The following TKFC variants were observed in gnomAD, a reference collection of about 807,000 sequenced individuals.
The protein encoded by TKFC is triokinase/FMN cyclase.
A neutral mutation model predicts 61.0 loss-of-function variants in TKFC; 46 were observed. The ratio of observed to expected loss-of-function variants is 0.75; its 90% CI spans 0.60 to 0.96. The LOEUF (loss-of-function observed/expected upper bound fraction) is 0.96. Ranked by LOEUF, TKFC falls within the 50% of genes least tolerant of loss-of-function variation. The pLI, the probability that TKFC is intolerant of heterozygous loss-of-function variation, is 0.00. For synonymous variants in TKFC, 314 were observed against 330.1 expected (o/e 0.95, Z 0.53); for missense variants, 715 against 777.5 (o/e 0.92, Z 0.96).
Position 61,341,260 on chromosome 11 carries a change from G to T in TKFC, c.487-176G>T, listed in dbSNP as rs185207463. ...TGGAATTCTTGAAGATTCCTGGCAGGTACACTGTGAATGAGGGGAGTTTGC... is the reference window on the plus strand; with the variant it reads ...TGGAATTCTTGAAGATTCCTGGCAGTTACACTGTGAATGAGGGGAGTTTGC... On this transcript the variant is annotated intron_variant, in intron 5 of 17. Coordinates refer to ENST00000394900, the MANE Select transcript of TKFC (RefSeq NM_015533.4). Among the ~76,000 whole-genome samples, 10 of 152,310 alleles carry T rather than the reference G, an allele frequency of 6.6e-5. No homozygotes were observed. The East Asian group carries it at 1.9e-3, about 29-fold the overall frequency.
downstream of TKFC, chr11:61,350,614 G>C (rs1261280921): frequency 3.0e-6 from 2 of 674,806 alleles, no homozygotes; most frequent in Non-Finnish European, 5.0e-6. Flanking sequence ...CCTGCTCTGA[G>C]CACTCAGCTG....
Position 61,342,492 on chromosome 11 carries a change from A to G in TKFC, c.687A>G (p.Ile229Met). Residue 229 changes from isoleucine (I) to methionine (M), a missense_variant, in exon 8 of 18, where the codon ATA (isoleucine) becomes ATG (methionine). Transcript: ENST00000394900. Reference protein sequence around the residue: ...GIHGEAGVRRIKMATADEIVK... With the variant: ...GIHGEAGVRRMKMATADEIVK... ...ACGGGGAAGCTGGTGTGCGCCGGAT[A>G]AAGGTAGGTGGTCCCTCTGGCACAG... The G allele has an allele frequency of 6.2e-7, 1 of 1,614,066 alleles. No individual in the cohort carries two copies. The highest frequency in any genetic ancestry group is 8.5e-7 in the Non-Finnish European group (1 of 1,180,024).
At chr11:61,336,500 C>T (rs995937679) in intron 2 of TKFC, 1 of 152,274 alleles carries the variant, frequency 6.6e-6, no homozygotes, top group African/African-American at 2.4e-5. Context: ...TGGCTTTTCA[C>T]AGCCTGTTTG....
At position 61,346,172 on chromosome 11, in the gene TKFC, T is replaced by C. The variant is rs1857116239; in HGVS notation, c.1576-179T>C. ...AGGGCCTCAGTGAATGGTGACCCTT[T>C]TCCCTGCTGGAAGTAGATGAGAAGT... On this transcript the variant is annotated intron_variant, in intron 17 of 17. Transcript: ENST00000394900. The surrounding 1 kb of genome is among the most constrained non-coding windows in gnomAD (Gnocchi z 4.1). 3 of 1,442,712 alleles carry C rather than the reference T, an allele frequency of 2.1e-6. No individual in the cohort carries two copies. The highest frequency in any genetic ancestry group is 2.4e-5 in the East Asian group (1 of 41,742). The allele number at this position is 1,442,712 out of a possible 1,614,324, so 89.4% of individuals were successfully genotyped here. A position where few individuals can be genotyped will look rare whatever the true frequency, so the allele number is the denominator to read the frequency against.
rs563569383 is a variant in TKFC, at chr11:61,341,406, C to G, written c.487-30C>G. 89 of 1,551,314 alleles carry G rather than the reference C, an allele frequency of 5.7e-5. 1 individual carries two copies. The South Asian group carries it at 6.5e-4, about 11-fold the overall frequency. On this transcript the variant is annotated intron_variant, in intron 5 of 17. Coordinates refer to ENST00000394900, the MANE Select transcript of TKFC (RefSeq NM_015533.4). Reference sequence around the variant, plus strand: ...CACATGGTACAGTGATACCCTCCCCCCTGGGGCTTTTACCTCTTTGTGGCT... The same window carrying G: ...CACATGGTACAGTGATACCCTCCCCGCTGGGGCTTTTACCTCTTTGTGGCT...
chr11:61,348,094 A>G lies in TKFC; in HGVS notation c.*1591A>G, dbSNP rs1403817517. On this transcript the variant is annotated 3_prime_UTR_variant, in exon 18 of 18. Coordinates refer to ENST00000394900, the MANE Select transcript of TKFC (RefSeq NM_015533.4). ...GGCTGCACCATACGTCCCTGACCACAAGGCATCCACGTGCACAGGAGTATG... is the reference window on the plus strand; with the variant it reads ...GGCTGCACCATACGTCCCTGACCACGAGGCATCCACGTGCACAGGAGTATG... 1.0e-6 allele frequency: 1 copy of G among 985,262 alleles called. No individual in the cohort carries two copies. Among genetic ancestry groups the G allele is most frequent in the Middle Eastern group, 5.2e-4 (1 of 1,936 alleles). 61.0% of individuals were successfully genotyped at this position (985,262 alleles called of 1,614,324 possible).
Position 61,342,181 on chromosome 11 carries a change from A to G in TKFC, c.655+269A>G, listed in dbSNP as rs965374245. 6 of 611,170 alleles carry G rather than the reference A, an allele frequency of 9.8e-6. No homozygotes were observed. In the African/African-American group the frequency reaches 1.1e-4, roughly 11 times the overall value. The allele number at this position is 611,170 out of a possible 1,614,324, so 37.9% of individuals were successfully genotyped here. ...CCCAGGTCCTCCTGTCCCTGCCAGA[A>G]TACACCCTTCTTTCAACGGCTGTTC... On this transcript the variant is annotated intron_variant, in intron 7 of 17. Coordinates refer to ENST00000394900, the MANE Select transcript of TKFC (RefSeq NM_015533.4).
downstream of TKFC, chr11:61,350,760 G>C: frequency 1.6e-6 from 1 of 620,324 alleles, no homozygotes; most frequent in Non-Finnish European, 2.7e-6. Flanking sequence ...AGTGATTTGG[G>C]GGGGAAATTC....
chr11:61,343,934 C>G lies in TKFC; in HGVS notation c.1061C>G (p.Pro354Arg), dbSNP rs751849872. The change falls in exon 12 of 18, where the codon CCT becomes CGT. Residue 354 changes from proline (P) to arginine (R), a missense_variant. Transcript: ENST00000394900. ...ITGRKRSRVA[P>R]AEPQEAPDST... The stretch of plus-strand genomic sequence containing the variant: ...GGGCGGAAGCGGAGCCGGGTAGCCC[C>G]TGCCGAGCCCCAGGAGGCCCCTGAT... 1.2e-6 allele frequency: 2 copies of G among 1,611,462 alleles called. No homozygotes were observed. The highest frequency in any genetic ancestry group is 1.7e-6 in the Non-Finnish European group (2 of 1,180,008).
chr11:61,343,427 G>C lies in TKFC; in HGVS notation c.951G>C (p.Leu317=), dbSNP rs750709219. The C allele has an allele frequency of 1.2e-6, 2 of 1,614,204 alleles. No homozygotes were observed. Among genetic ancestry groups the C allele is most frequent in the East Asian group, 2.2e-5 (1 of 44,882 alleles). Residue 317 remains leucine (L), a synonymous_variant, in exon 11 of 18, where the codon CTG becomes CTC. Coordinates refer to ENST00000394900, the MANE Select transcript of TKFC (RefSeq NM_015533.4). ...LEMPGISLTL[L]LVDEPLLKLI... is the part of the protein sequence containing the mutation. Reference sequence around the variant, plus strand: ...TGCCTGGCATTTCTCTCACCCTCCTGCTGGTGGATGAGCCTCTCCTGAAAC... The same window carrying C: ...TGCCTGGCATTTCTCTCACCCTCCTCCTGGTGGATGAGCCTCTCCTGAAAC...
At chr11:61,352,360 C>T (rs1307312602), downstream of TKFC, 1 of 153,522 alleles carries the variant, frequency 6.5e-6, no homozygotes, top group African/African-American at 2.4e-5. Context: ...TCTGTTCCCT[C>T]AATTGAAAAT....
chr11:61,334,749 G>T lies in TKFC; in HGVS notation c.3+18G>T. The T allele has an allele frequency of 1.9e-6, 3 of 1,614,042 alleles. No individual in the cohort carries two copies. Among genetic ancestry groups the T allele is most frequent in the South Asian group, 1.1e-5 (1 of 91,068 alleles). On this transcript the variant is annotated intron_variant, in intron 2 of 17. Coordinates refer to ENST00000394900, the MANE Select transcript of TKFC (RefSeq NM_015533.4). ...ACACCATGGTGAGTCATACAGGGCC[G>T]GGACGGGAATGGCAGCATGGTCTCA...
intron 7 of TKFC, chr11:61,342,198 C>T (rs977197553): frequency 5.9e-5 from 36 of 613,218 alleles, no homozygotes; most frequent in South Asian, 1.6e-4. Context: ...CTTCTTTCAA[C>T]GGCTGTTCAA....
chr11:61,338,971 G>A lies in TKFC; in HGVS notation c.194-95G>A. 2.8e-6 allele frequency: 3 copies of A among 1,062,866 alleles called. No homozygotes were observed. The South Asian group carries it at 4.5e-5, about 16-fold the overall frequency. 65.8% of individuals were successfully genotyped at this position (1,062,866 alleles called of 1,614,324 possible). ...CTTTGAGCACCAAGCACACAGTAGG[G>A]CTCACCAAACCATGACCCCCGGAGT... On this transcript the variant is annotated intron_variant, in intron 3 of 17. Coordinates refer to ENST00000394900, the MANE Select transcript of TKFC (RefSeq NM_015533.4).
chr11:61,347,845 TTGA>T lies in TKFC; in HGVS notation c.*1346_*1348del. ...GGGGACATGAAAGGATTCAAATGAA[TTGA>T]TGAAGATGGGCCATAAAGCCCAGCA... On this transcript the variant is annotated 3_prime_UTR_variant, in exon 18 of 18. Transcript: ENST00000394900. 1 of 980,342 alleles carries T rather than the reference TTGA, an allele frequency of 1.0e-6. No individual in the cohort carries two copies. The highest frequency in any genetic ancestry group is 4.7e-5 in the South Asian group (1 of 21,190). The allele number at this position is 980,342 out of a possible 1,614,324, so 60.7% of individuals were successfully genotyped here.
In TKFC at chr11:61,346,595, C is replaced by T. The variant is rs1590583801; in HGVS notation, c.*92C>T. ...CCTTCTGCCTTCCAACCCTCACCTT[C>T]CCCCGGCCTGGCCCCATTGGCCCAC... On this transcript the variant is annotated 3_prime_UTR_variant, in exon 18 of 18. Coordinates refer to ENST00000394900, the MANE Select transcript of TKFC (RefSeq NM_015533.4). The surrounding 1 kb of genome is among the most constrained non-coding windows in gnomAD (Gnocchi z 4.1). 5.3e-6 allele frequency: 8 copies of T among 1,501,006 alleles called. No homozygotes were observed. The East Asian group carries it at 9.2e-5, about 17-fold the overall frequency. The allele number at this position is 1,501,006 out of a possible 1,614,324, so 93.0% of individuals were successfully genotyped here. A position where few individuals can be genotyped will look rare whatever the true frequency, so the allele number is the denominator to read the frequency against.
At chr11:61,351,532 G>A (rs2868351), downstream of TKFC, 129,608 of 153,526 alleles carry the variant, frequency 0.84, 58,412 homozygotes, top group Non-Finnish European at 0.99. Flanking sequence ...CTCATGATCC[G>A]CCCGCCTCGG....
chr11:61,351,770 A>T (rs1857421643), downstream of TKFC: 1 of 152,194 alleles, frequency 6.6e-6, no homozygotes, highest in Admixed American at 6.5e-5. Context: ...AAACTTAGCT[A>T]GGTGAGGTGG....
chr11:61,341,422 C>A lies in TKFC; in HGVS notation c.487-14C>A. 1 of 1,552,414 alleles carries A rather than the reference C, an allele frequency of 6.4e-7. No individual in the cohort carries two copies. Among genetic ancestry groups the A allele is most frequent in the South Asian group, 1.2e-5 (1 of 84,120 alleles). ...ACCCTCCCCCCTGGGGCTTTTACCTCTTTGTGGCTGCAGGTGGCAGGTGCT... is the reference window on the plus strand; with the variant it reads ...ACCCTCCCCCCTGGGGCTTTTACCTATTTGTGGCTGCAGGTGGCAGGTGCT... On this transcript the variant is annotated splice_polypyrimidine_tract_variant and intron_variant, in intron 5 of 17. Transcript: ENST00000394900.
Sources: gnomAD v4.1 joint callset for allele counts (sites outside exome capture counted in the v4.1 genomes callset) on GRCh38, gnomAD v4.1.1 for gene constraint, Gnocchi (gnomAD v3.1) non-coding constraint, MANE v1.5 for transcripts, NCBI Gene and HGNC (gene_info 2026-07-23, HGNC 2026-07-21) for gene names.